The following EYS variants were observed in gnomAD, a reference collection of about 807,000 sequenced individuals.
EYS encodes the protein EGF-like photoreceptor maintenance factor, also known as protein eyes shut homolog.
In EYS, 250 loss-of-function variants were observed where a neutral mutation model predicts 282.1. The ratio of observed to expected loss-of-function variants is 0.89; its 90% CI spans 0.80 to 0.98. The LOEUF is 0.98. Among genes scored for constraint, EYS ranks in the 50% least tolerant of loss-of-function variants. The pLI, the probability that EYS is intolerant of heterozygous loss-of-function variation, is 0.00. For missense variants in EYS, 4,016 were observed against 3,709.0 expected (o/e 1.08, Z -2.15); for synonymous variants, 1,355 against 1,282.9 (o/e 1.06, Z -1.20).
chr6:64,157,963 C>T (rs191310086), intron 31 of EYS, among the ~76,000 whole-genome samples: 9 of 152,296 alleles, frequency 5.9e-5, no homozygotes, highest in Admixed American at 2.0e-4. Flanking sequence ...CCAGCTACAG[C>T]TTGCACCGTT....
At chr6:65,665,101 G>A (rs1768151088) in intron 1 of EYS, among the ~76,000 whole-genome samples, 1 of 152,144 alleles carries the variant, frequency 6.6e-6, no homozygotes, top group Non-Finnish European at 1.5e-5. Context: ...GAGACATTGA[G>A]AGAAATCTTT....
intron 18 of EYS, among the ~76,000 whole-genome samples, chr6:64,899,719 G>A (rs1272185750): frequency 6.6e-6 from 1 of 152,010 alleles, no homozygotes; most frequent in Non-Finnish European, 1.5e-5. Flanking sequence ...TCTGCTCAAG[G>A]AAATAAGAAA....
intron 31 of EYS, among the ~76,000 whole-genome samples, chr6:64,088,567 C>T (rs750564849): frequency 6.6e-6 from 1 of 151,658 alleles, no homozygotes; most frequent in Non-Finnish European, 1.5e-5. Flanking sequence ...CTCAAATTGG[C>T]AAAGGAAGCT....
intron 22 of EYS, among the ~76,000 whole-genome samples, chr6:64,647,582 T>A (rs565017240): frequency 6.6e-6 from 1 of 152,322 alleles, no homozygotes; most frequent in Non-Finnish European, 1.5e-5. Flanking sequence ...CCAATGATTA[T>A]CACTTTGTGG....
intron 1 of EYS, among the ~76,000 whole-genome samples, chr6:65,659,979 G>A (rs78668414): frequency 6.6e-6 from 1 of 151,632 alleles, no homozygotes; most frequent in Non-Finnish European, 1.5e-5. Flanking sequence ...AGAAATTTTC[G>A]TGAACTGACT....
At position 64,461,143 on chromosome 6, in the gene EYS, AATATTT is replaced by A. The variant is rs1775730793; in HGVS notation, c.5645-21797_5645-21792del. Among the ~76,000 whole-genome samples, 3 of 152,284 alleles carry A rather than the reference AATATTT, an allele frequency of 2.0e-5. No individual in the cohort carries two copies. In the South Asian group the frequency reaches 6.2e-4, roughly 32 times the overall value. ...TGGAGGTTGGAAGTTTCATGTAAGGAATATTTATATTGAGAATAGCTGCTTGTTGAA... is the reference window on the plus strand; with the variant it reads ...TGGAGGTTGGAAGTTTCATGTAAGGAATATTGAGAATAGCTGCTTGTTGAA... On this transcript the variant is annotated intron_variant, in intron 26 of 42. Coordinates refer to ENST00000503581, the MANE Select transcript of EYS (RefSeq NM_001142800.2).
intron 5 of EYS, among the ~76,000 whole-genome samples, chr6:65,424,646 A>T (rs2150379438): frequency 6.6e-6 from 1 of 152,174 alleles, no homozygotes. Flanking sequence ...GAGAGTAGGT[A>T]TCCTAAGTTT....
At chr6:64,881,202 T>C (rs900064174) in intron 19 of EYS, among the ~76,000 whole-genome samples, 1 of 151,772 alleles carries the variant, frequency 6.6e-6, no homozygotes, top group African/African-American at 2.4e-5. Flanking sequence ...TTTTGTACCC[T>C]TATCATCATT....
At chr6:65,541,992 G>A (rs1455171929) in intron 2 of EYS, among the ~76,000 whole-genome samples, 1 of 152,008 alleles carries the variant, frequency 6.6e-6, no homozygotes, top group African/African-American at 2.4e-5. Context: ...TTTCTAGCAT[G>A]GTTGGAAAGC....
chr6:63,783,505 G>C (rs1167237727), intron 39 of EYS, among the ~76,000 whole-genome samples: 6 of 151,930 alleles, frequency 3.9e-5, no homozygotes, highest in Admixed American at 6.6e-5. Flanking sequence ...GTGGAGATCT[G>C]TTATCAGTAA....
intron 5 of EYS, among the ~76,000 whole-genome samples, chr6:65,473,244 T>A (rs1026680116): frequency 2.0e-5 from 3 of 151,956 alleles, no homozygotes; most frequent in African/African-American, 7.2e-5. Flanking sequence ...ATTTGATATG[T>A]CATTTCTGTG....
intron 31 of EYS, among the ~76,000 whole-genome samples, chr6:64,211,700 G>A (rs1403335891): frequency 6.8e-6 from 1 of 147,882 alleles, no homozygotes; most frequent in Admixed American, 6.8e-5. Flanking sequence ...TGAATTAATA[G>A]ATTAATATTT....
intron 35 of EYS, among the ~76,000 whole-genome samples, chr6:63,873,695 T>A (rs1402816072): frequency 1.3e-5 from 2 of 152,216 alleles, no homozygotes; most frequent in Non-Finnish European, 2.9e-5. Context: ...TGATTGCCAT[T>A]CTAACTGGTA....
At position 65,219,478 on chromosome 6, in the gene EYS, T is replaced by A. The variant is rs149167548; in HGVS notation, c.2023+76385A>T. ...AGCAGCTGAAAAGAAAAGATAACAT[T>A]TTCTTCTACTGAGTTTAGAGAAACT... On this transcript the variant is annotated intron_variant, in intron 12 of 42. Coordinates refer to ENST00000503581, the MANE Select transcript of EYS (RefSeq NM_001142800.2). Among the ~76,000 whole-genome samples the A allele has an allele frequency of 3.4e-3, 517 of 152,198 alleles. 2 individuals carry two copies. The highest frequency in any genetic ancestry group is 0.024 in the Middle Eastern group (7 of 294).
chr6:64,666,581 T>C (rs1178823009), intron 22 of EYS, among the ~76,000 whole-genome samples: 1 of 152,232 alleles, frequency 6.6e-6, no homozygotes, highest in Non-Finnish European at 1.5e-5. Context: ...GTAATGTCTG[T>C]TGTCTTCTTT....
At chr6:65,564,153 C>T (rs909646774) in intron 2 of EYS, among the ~76,000 whole-genome samples, 7 of 152,026 alleles carry the variant, frequency 4.6e-5, no homozygotes, top group African/African-American at 9.7e-5. Flanking sequence ...ACATTGCGTG[C>T]TCATAGATAG....
chr6:65,159,110 TC>T (rs1315812228), intron 12 of EYS, among the ~76,000 whole-genome samples: 4 of 150,938 alleles, frequency 2.7e-5, no homozygotes, highest in Non-Finnish European at 5.9e-5. Flanking sequence ...TGGAAATCTG[TC>T]TAAAACAACA....
At chr6:64,317,848 C>T (rs899931003) in intron 29 of EYS, among the ~76,000 whole-genome samples, 3 of 152,024 alleles carry the variant, frequency 2.0e-5, no homozygotes, top group Non-Finnish European at 2.9e-5. Flanking sequence ...ACTATGCAGC[C>T]ATGAAAAACA....
chr6:64,647,858 T>TG (rs1768410899), intron 22 of EYS, among the ~76,000 whole-genome samples: 1 of 152,124 alleles, frequency 6.6e-6, no homozygotes, highest in African/African-American at 2.4e-5. Flanking sequence ...CTCCAGTTGG[T>TG]GATCATAAGG....
Sources: allele counts gnomAD v4.1 joint callset (sites outside exome capture counted in the v4.1 genomes callset), GRCh38; gene constraint gnomAD v4.1.1; transcripts MANE v1.5; gene names NCBI Gene and HGNC (gene_info 2026-07-23, HGNC 2026-07-21).